The following MIER1 variants were observed in gnomAD, a reference collection of about 807,000 sequenced individuals.
MIER1 encodes MIER1 transcriptional regulator, also known as mesoderm induction early response protein 1.
In MIER1, 40 loss-of-function variants were observed where a neutral mutation model predicts 75.7. The observed-to-expected ratio is 0.53, with a 90% confidence interval of 0.41 to 0.69. The LOEUF (loss-of-function observed/expected upper bound fraction) is 0.69. MIER1 is among the 30% of genes least tolerant of loss of function. The probability of loss-of-function intolerance (pLI) is 0.00; values close to 1 mark genes in which losing one functional copy is unlikely to be tolerated. For synonymous variants in MIER1, 213 were observed against 223.4 expected, an observed-to-expected ratio of 0.95 and a Z score of 0.42; for missense variants, 574 against 680.2, an observed-to-expected ratio of 0.84 and a Z score of 1.74.
At chr1:66,978,620 TAGGGAA>T (rs1332962313) in intron 12 of MIER1, among the ~76,000 whole-genome samples, 3 of 152,218 alleles carry the variant, frequency 2.0e-5, no homozygotes, top group African/African-American at 7.2e-5. Flanking sequence ...AGGTATTATA[TAGGGAA>T]AAGCAATAGT....
chr1:66,925,448 C>A (rs559270958), intron 1 of MIER1: 1 of 985,466 alleles, frequency 1.0e-6, no homozygotes, highest in South Asian at 4.7e-5. Context: ...AGCTGACCAC[C>A]CTGCTGTGGC....
intron 4 of MIER1, among the ~76,000 whole-genome samples, chr1:66,952,468 G>T (rs1659194756): frequency 6.6e-6 from 1 of 152,090 alleles, no homozygotes. Flanking sequence ...GGGGTGCAGA[G>T]ACAGAAATCT....
rs1245455166 is a variant in MIER1 at position 66,948,321 on chromosome 1, TATC to T, written c.339+2029_339+2031del. ...GTCTTTAAGGATTTGGAATACATAA[TATC>T]ATGAAAAATGAATGCTTATACTTTT... is the stretch of plus-strand genomic sequence containing the variant. On this transcript the variant is annotated intron_variant, in intron 4 of 13. Coordinates refer to ENST00000401041, the MANE Select transcript of MIER1 (RefSeq NM_001077700.3). 16 of 671,412 alleles carry T rather than the reference TATC, an allele frequency of 2.4e-5. No individual in the cohort carries two copies. In the African/African-American group the frequency reaches 3.1e-4, roughly 13 times the overall value. The allele number at this position is 671,412 out of a possible 1,614,324, so 41.6% of individuals were successfully genotyped here.
chr1:66,928,772 GT>G (rs1302799292), intron 2 of MIER1: 3 of 588,138 alleles, frequency 5.1e-6, no homozygotes, highest in Non-Finnish European at 8.7e-6. Flanking sequence ...TTTTATATAA[GT>G]TTTCTAAAAA....
At chr1:66,929,058 A>G (rs1652482093) in intron 2 of MIER1, 3 of 809,968 alleles carry the variant, frequency 3.7e-6, no homozygotes, top group Admixed American at 5.1e-5. Context: ...TCAAATTAAC[A>G]TTGAATCTTT....
At chr1:66,933,897 G>A (rs1030169243) in intron 2 of MIER1, among the ~76,000 whole-genome samples, 48 of 152,228 alleles carry the variant, frequency 3.2e-4, no homozygotes, top group Admixed American at 3.1e-3. Context: ...ATAAAACACT[G>A]CCATTGAAGC....
chr1:66,950,355 C>T (rs1658633356), intron 4 of MIER1, among the ~76,000 whole-genome samples: 2 of 152,126 alleles, frequency 1.3e-5, no homozygotes, highest in African/African-American at 4.8e-5. Flanking sequence ...GTGATCTGCC[C>T]ATCTCAGCCT....
chr1:66,928,654 T>C (rs1652390149), intron 2 of MIER1, among the ~76,000 whole-genome samples: 1 of 152,174 alleles, frequency 6.6e-6, no homozygotes, highest in African/African-American at 2.4e-5. Context: ...TTTTAAAAAG[T>C]CATTTTTATT....
intron 2 of MIER1, among the ~76,000 whole-genome samples, chr1:66,933,528 C>G (rs943612116): frequency 6.6e-6 from 1 of 152,024 alleles, no homozygotes; most frequent in Non-Finnish European, 1.5e-5. Context: ...AAAATGGACT[C>G]CTTGCTTAGT....
In MIER1 at chr1:66,985,631, AAGCGTGT is replaced by A. The variant is rs1407050032; in HGVS notation, c.*733_*739del. On this transcript the variant is annotated 3_prime_UTR_variant, in exon 14 of 14. Transcript: ENST00000401041. Reference sequence around the variant, plus strand: ...ACTGAGCTGTCCTTTCTTAATACAAAAGCGTGTATAATTTTCTTAACTTGTACAGTTG... The same window carrying A: ...ACTGAGCTGTCCTTTCTTAATACAAAATAATTTTCTTAACTTGTACAGTTG... 2.0e-6 allele frequency: 2 copies of A among 984,940 alleles called. No individual in the cohort carries two copies. Among genetic ancestry groups the A allele is most frequent in the African/African-American group, 3.5e-5 (2 of 57,216 alleles). The allele number at this position is 984,940 out of a possible 1,614,324, so 61.0% of individuals were successfully genotyped here.
chr1:66,964,328 C>T (rs1315052035), intron 8 of MIER1, among the ~76,000 whole-genome samples: 2 of 151,910 alleles, frequency 1.3e-5, no homozygotes, highest in South Asian at 2.1e-4. Context: ...CTGCCTCGGC[C>T]GCCCATAGTG....
intron 2 of MIER1, among the ~76,000 whole-genome samples, chr1:66,937,527 G>T (rs1208822625): frequency 2.6e-5 from 4 of 152,168 alleles, no homozygotes; most frequent in Non-Finnish European, 5.9e-5. Context: ...GGAGGCTGCA[G>T]TGAGCCAAGA....
chr1:66,933,424 T>A (rs867891085), intron 2 of MIER1, among the ~76,000 whole-genome samples: 1 of 152,188 alleles, frequency 6.6e-6, no homozygotes, highest in African/African-American at 2.4e-5. Flanking sequence ...AAGAGAAAAT[T>A]AATGGATTTG....
chr1:66,952,730 C>T (rs1474094457), intron 4 of MIER1, among the ~76,000 whole-genome samples: 1 of 152,240 alleles, frequency 6.6e-6, no homozygotes, highest in East Asian at 1.9e-4. Context: ...CAGCCTCAGC[C>T]TCCCTGGATG....
chr1:66,966,550 C>T (rs1662450212), intron 8 of MIER1, among the ~76,000 whole-genome samples: 1 of 152,120 alleles, frequency 6.6e-6, no homozygotes, highest in African/African-American at 2.4e-5. Context: ...GGTATATGCC[C>T]AATAATGGGA....
intron 4 of MIER1, among the ~76,000 whole-genome samples, chr1:66,954,708 C>CT (rs879925906): frequency 1.3e-3 from 182 of 144,878 alleles, no homozygotes; most frequent in African/African-American, 2.2e-3. Context: ...TTTCTTTTTC[C>CT]TTTTTTTTTT....
intron 8 of MIER1, among the ~76,000 whole-genome samples, chr1:66,966,089 G>C (rs1662330651): frequency 1.3e-5 from 2 of 151,796 alleles, no homozygotes; most frequent in African/African-American, 4.8e-5. Flanking sequence ...ACAACATGCA[G>C]GTTTCTTACA....
chr1:66,980,854 G>A (rs1195453509), intron 12 of MIER1, among the ~76,000 whole-genome samples: 2 of 151,908 alleles, frequency 1.3e-5, no homozygotes, highest in Non-Finnish European at 2.9e-5. Context: ...TTTATGCTCT[G>A]TAGTAAGAAA....
chr1:66,948,010 T>C (rs1000459079), intron 4 of MIER1: 1 of 955,472 alleles, frequency 1.0e-6, no homozygotes, highest in Non-Finnish European at 1.2e-6. Context: ...TTTATTTTTA[T>C]TTTTTTTTAA....
Sources: allele counts gnomAD v4.1 joint callset (sites outside exome capture counted in the v4.1 genomes callset), GRCh38; gene constraint gnomAD v4.1.1; transcripts MANE v1.5; gene names NCBI Gene and HGNC (gene_info 2026-07-23, HGNC 2026-07-21).